The following COTL1 variants were observed in gnomAD, a reference collection of about 807,000 sequenced individuals.
The protein encoded by COTL1 is coactosin-like protein.
Under a neutral mutation model 16.5 loss-of-function variants are expected in COTL1, and 15 were observed. The ratio of observed to expected loss-of-function variants is 0.91; its 90% CI spans 0.61 to 1.40. The LOEUF (loss-of-function observed/expected upper bound fraction) is 1.40, where lower values mean the gene tolerates loss of function less well. Ranked by LOEUF, COTL1 falls within the 40% of genes most tolerant of loss-of-function variation. The pLI, the probability that COTL1 is intolerant of heterozygous loss-of-function variation, is 0.00. For missense variants in COTL1, 220 were observed against 201.5 expected (o/e 1.09, Z -0.56); for synonymous variants, 112 against 85.3 (o/e 1.31, Z -1.73).
chr16:84,611,698 T>C (rs1344021560), intron 2 of COTL1, among the ~76,000 whole-genome samples: 1 of 152,218 alleles, frequency 6.6e-6, no homozygotes, highest in Non-Finnish European at 1.5e-5. Context: ...AGGAACAAGT[T>C]CCTGAGTGTT....
At chr16:84,568,966 C>G (rs908441147) in intron 3 of COTL1, 2 of 152,184 alleles carry the variant, frequency 1.3e-5, no homozygotes, top group African/African-American at 4.8e-5. Flanking sequence ...GTTTTGGAAC[C>G]AGACAGAGGT....
rs150819581 is a variant in COTL1, at chr16:84,615,303, G to A, written c.160+2198C>T. On this transcript the variant is annotated intron_variant, in intron 2 of 3. Transcript: ENST00000262428. The stretch of plus-strand genomic sequence containing the variant: ...TTTTTAGCTTCCTCGCCAGACACGC[G>A]CCACTCCCCACTCCCATCCCTGGGG... 7.5e-3 allele frequency among the ~76,000 whole-genome samples: 1,147 copies of A among 152,288 alleles called. 14 individuals carry two copies. Among genetic ancestry groups the A allele is most frequent in the Middle Eastern group, 0.024 (7 of 294 alleles).
chr16:84,600,691 C>A (rs900554524), intron 2 of COTL1, among the ~76,000 whole-genome samples: 1 of 152,196 alleles, frequency 6.6e-6, no homozygotes, highest in Admixed American at 6.5e-5. Flanking sequence ...GGAGCTCACA[C>A]TGTAAATGCG....
At chr16:84,612,121 G>A (rs528756749) in intron 2 of COTL1, among the ~76,000 whole-genome samples, 11 of 152,248 alleles carry the variant, frequency 7.2e-5, no homozygotes, top group African/African-American at 2.6e-4. Context: ...GGCAATCGCA[G>A]TAATTGACAT....
chr16:84,607,056 T>G (rs924273133), intron 2 of COTL1, among the ~76,000 whole-genome samples: 2 of 151,988 alleles, frequency 1.3e-5, no homozygotes, highest in Non-Finnish European at 1.5e-5. Flanking sequence ...TTGGCAGCCA[T>G]CTAACCATGA....
chr16:84,614,358 G>A (rs1905415136), intron 2 of COTL1, among the ~76,000 whole-genome samples: 1 of 152,134 alleles, frequency 6.6e-6, no homozygotes, highest in Admixed American at 6.5e-5. Context: ...GGGGGTGGGA[G>A]GGAACTGGCC....
intron 2 of COTL1, among the ~76,000 whole-genome samples, chr16:84,605,198 T>G (rs1905188009): frequency 6.6e-6 from 1 of 152,220 alleles, no homozygotes; most frequent in Admixed American, 6.5e-5. Flanking sequence ...CCTCCCGTGG[T>G]CTTCCCTTCT....
At chr16:84,580,530 T>C (rs1041004924) in intron 3 of COTL1, among the ~76,000 whole-genome samples, 12 of 152,188 alleles carry the variant, frequency 7.9e-5, no homozygotes, top group African/African-American at 2.4e-4. Flanking sequence ...TTAACCTCTT[T>C]AGTAAAAGAT....
At chr16:84,600,101 G>A (rs568971298) in intron 2 of COTL1, among the ~76,000 whole-genome samples, 1 of 152,236 alleles carries the variant, frequency 6.6e-6, no homozygotes, top group East Asian at 1.9e-4. Context: ...TTACTAAGAG[G>A]CCTGATATCA....
chr16:84,567,052 A>T, intron 3 of COTL1, 97 bp from the exon 4 acceptor site: 3 of 800,358 alleles, frequency 3.7e-6, no homozygotes, highest in Non-Finnish European at 6.6e-6. Context: ...AAGCACTGAA[A>T]ACCCTGATGA....
intron 2 of COTL1, among the ~76,000 whole-genome samples, chr16:84,607,708 G>A (rs1291598226): frequency 6.6e-6 from 1 of 152,094 alleles, no homozygotes; most frequent in East Asian, 1.9e-4. Flanking sequence ...AAAAGGTGTT[G>A]GAAGTGGGAG....
In COTL1 at chr16:84,586,661, C is replaced by T. The variant is rs563217558; in HGVS notation, c.318+3444G>A. Among the ~76,000 whole-genome samples the T allele has an allele frequency of 1.9e-3, 293 of 152,158 alleles. 1 individual carries two copies. Among genetic ancestry groups the T allele is most frequent in the African/African-American group, 6.7e-3 (279 of 41,500 alleles). ...TCTTGCTGCAATCTCGGCTCAGTCT[C>T]CTGAGTTGATCTCCTGGGTTCAAGC... is the stretch of plus-strand genomic sequence containing the variant. On this transcript the variant is annotated intron_variant, in intron 3 of 3. Coordinates refer to ENST00000262428, the MANE Select transcript of COTL1 (RefSeq NM_021149.5).
chr16:84,617,265 G>A (rs1219879285), intron 2 of COTL1, among the ~76,000 whole-genome samples: 4 of 152,226 alleles, frequency 2.6e-5, no homozygotes, highest in Non-Finnish European at 5.9e-5. Flanking sequence ...TGCCCCGCCT[G>A]GAGAAGGCAT....
intron 2 of COTL1, among the ~76,000 whole-genome samples, chr16:84,607,950 C>T (rs1343769331): frequency 6.6e-6 from 1 of 152,160 alleles, no homozygotes; most frequent in African/African-American, 2.4e-5. Context: ...GTGAGAATGA[C>T]AGGAGAGAGA....
At chr16:84,589,548 C>G (rs764449138) in intron 3 of COTL1, among the ~76,000 whole-genome samples, 1 of 151,634 alleles carries the variant, frequency 6.6e-6, no homozygotes, top group Non-Finnish European at 1.5e-5. Flanking sequence ...TCTCCCTCAT[C>G]TACCCTACCC....
chr16:84,604,013 C>T (rs1162814035), intron 2 of COTL1, among the ~76,000 whole-genome samples: 1 of 136,604 alleles, frequency 7.3e-6, no homozygotes, highest in African/African-American at 2.8e-5. Context: ...CCCCATGCTC[C>T]CCACTCCCTA....
intron 2 of COTL1, among the ~76,000 whole-genome samples, chr16:84,599,822 C>A (rs1231073925): frequency 1.3e-4 from 20 of 152,188 alleles, no homozygotes; most frequent in Admixed American, 1.3e-3. Flanking sequence ...CGAGGGAGCT[C>A]CCTGGAGCGA....
intron 2 of COTL1, among the ~76,000 whole-genome samples, chr16:84,600,668 T>C (rs985151313): frequency 6.6e-6 from 1 of 152,192 alleles, no homozygotes; most frequent in African/African-American, 2.4e-5. Context: ...TGTAGGCACA[T>C]TGTTTCTGCA....
intron 2 of COTL1, among the ~76,000 whole-genome samples, chr16:84,604,838 A>AG (rs1905180378): frequency 3.9e-5 from 6 of 152,216 alleles, no homozygotes; most frequent in Admixed American, 3.9e-4. Context: ...AAGCAGCAGC[A>AG]GCTTTTATTT....
Sources: allele counts gnomAD v4.1 joint callset (sites outside exome capture counted in the v4.1 genomes callset), GRCh38; gene constraint gnomAD v4.1.1; transcripts MANE v1.5; gene names NCBI Gene and HGNC (gene_info 2026-07-23, HGNC 2026-07-21).